The following POLK variants were observed in gnomAD, a reference collection of about 807,000 sequenced individuals.
POLK encodes the protein polymerase (DNA directed) kappa.
A neutral mutation model predicts 94.0 loss-of-function variants in POLK; 76 were observed. That is an observed-to-expected ratio of 0.81 (90% CI 0.67 to 0.98). The LOEUF is 0.98. Among genes scored for constraint, POLK ranks in the 50% least tolerant of loss-of-function variants. The pLI, the probability that POLK is intolerant of heterozygous loss-of-function variation, is 0.00. For synonymous variants in POLK, 349 were observed against 325.4 expected (o/e 1.07, Z -0.78); for missense variants, 954 against 1,010.1 (o/e 0.94, Z 0.75).
At chr5:75,584,111 G>T (rs928377141) in intron 8 of POLK, among the ~76,000 whole-genome samples, 1 of 152,128 alleles carries the variant, frequency 6.6e-6, no homozygotes, top group African/African-American at 2.4e-5. Flanking sequence ...TTTCAAGTAT[G>T]GATAGATATT....
chr5:75,526,151 T>G (rs1768831459), intron 1 of POLK, among the ~76,000 whole-genome samples: 1 of 152,312 alleles, frequency 6.6e-6, no homozygotes, highest in Middle Eastern at 3.4e-3. Flanking sequence ...ATTTTATATT[T>G]TTATCTGTTT....
At chr5:75,579,926 T>A (rs539691235) in intron 6 of POLK, among the ~76,000 whole-genome samples, 44 of 148,340 alleles carry the variant, frequency 3.0e-4, no homozygotes, top group African/African-American at 1.1e-3. Context: ...CTCGCGCCTG[T>A]AGTCCTAGCT....
At chr5:75,601,306 G>C (rs1435620531), downstream of POLK, among the ~76,000 whole-genome samples, 3 of 152,072 alleles carry the variant, frequency 2.0e-5, no homozygotes, top group African/African-American at 7.2e-5. Flanking sequence ...TTCCCCTAAG[G>C]CTACAGCCTC....
chr5:75,576,850 T>C (rs1771905573), exon 6 of POLK: 5 of 1,567,076 alleles, frequency 3.2e-6, no homozygotes, highest in Non-Finnish European at 4.3e-6. Context: ...TACTTGAATA[T>C]AACAAAGCAC....
chr5:75,545,242 A>T (rs959018796), intron 1 of POLK, among the ~76,000 whole-genome samples: 1 of 152,244 alleles, frequency 6.6e-6, no homozygotes, highest in East Asian at 1.9e-4. Context: ...TTAAGGGAAG[A>T]TCCTCAAGGC....
chr5:75,594,232 G>A (rs907051678), intron 12 of POLK, among the ~76,000 whole-genome samples, 183 bp downstream of exon 12: 3 of 152,112 alleles, frequency 2.0e-5, no homozygotes, highest in East Asian at 1.9e-4. Flanking sequence ...GTTACATCCC[G>A]ATAAACCCAT....
intron 1 of POLK, chr5:75,512,635 T>G (rs1470538512): frequency 6.6e-6 from 1 of 152,228 alleles, no homozygotes; most frequent in African/African-American, 2.4e-5. Context: ...CAATAGAAGA[T>G]CTAACAACTC....
chr5:75,605,681 T>A (rs1202371375), downstream of POLK, among the ~76,000 whole-genome samples: 1 of 152,224 alleles, frequency 6.6e-6, no homozygotes, highest in Non-Finnish European at 1.5e-5. Flanking sequence ...AATAGACTAA[T>A]GTATTTCATC....
intron 1 of POLK, among the ~76,000 whole-genome samples, chr5:75,525,606 A>G (rs1245307406): frequency 6.6e-6 from 1 of 152,200 alleles, no homozygotes; most frequent in East Asian, 1.9e-4. Context: ...GAGAGAGATT[A>G]TAGGAAGAGG....
exon 6 of POLK, chr5:75,576,842 C>T (rs914377719): frequency 1.9e-6 from 3 of 1,561,374 alleles, no homozygotes; most frequent in African/African-American, 2.8e-5. Flanking sequence ...ATGAAGCCTA[C>T]TTGAATATAA....
rs143199956 is a variant in POLK at position 75,594,989 on chromosome 5, G to A, written c.1528+940G>A. 1.3e-3 allele frequency among the ~76,000 whole-genome samples: 200 copies of A among 152,212 alleles called. 1 individual carries two copies. The highest frequency in any genetic ancestry group is 4.6e-3 in the African/African-American group (192 of 41,530). ...AGCCAGGCTGGGCGCGGTGGCTCAC[G>A]CCTGTAATCTCAACACTTTGGGAGG... On this transcript the variant is annotated intron_variant, in intron 12 of 14. Transcript: ENST00000241436.
rs148677098 is a variant in POLK, at chr5:75,544,305, C to T, written c.-13-2705C>T. ...CGGAGGCTGAGGTGGGAGGATCACT[C>T]GAGCCCAGGAATTCAAGTCCAGCCT... On this transcript the variant is annotated intron_variant, in intron 1 of 14. Coordinates refer to ENST00000241436, the Ensembl canonical transcript of POLK. 2.0e-3 allele frequency among the ~76,000 whole-genome samples: 308 copies of T among 152,168 alleles called. 1 individual carries two copies. The East Asian group carries it at 0.026, about 13-fold the overall frequency.
At chr5:75,529,982 A>G (rs1769073342) in intron 1 of POLK, among the ~76,000 whole-genome samples, 2 of 152,158 alleles carry the variant, frequency 1.3e-5, no homozygotes, top group South Asian at 4.1e-4. Context: ...GCTAACAACA[A>G]CAAAAACTTT....
chr5:75,522,932 T>C (rs1768656312), intron 1 of POLK, among the ~76,000 whole-genome samples: 1 of 152,148 alleles, frequency 6.6e-6, no homozygotes, highest in Non-Finnish European at 1.5e-5. Context: ...TGTTTACAAA[T>C]AAATTTGCTC....
At chr5:75,587,261 C>A (rs375028424) in intron 10 of POLK, among the ~76,000 whole-genome samples, 2 of 152,100 alleles carry the variant, frequency 1.3e-5, no homozygotes, top group African/African-American at 4.8e-5. Flanking sequence ...AAATTAACTT[C>A]AGCTATTTTT....
chr5:75,578,641 G>A (rs1382385054), intron 6 of POLK, among the ~76,000 whole-genome samples: 1 of 152,084 alleles, frequency 6.6e-6, no homozygotes. Flanking sequence ...GGACTTTCAG[G>A]CGTGTCTCAC....
chr5:75,579,489 C>A (rs1445629333), intron 6 of POLK, among the ~76,000 whole-genome samples: 1 of 151,850 alleles, frequency 6.6e-6, no homozygotes, highest in Non-Finnish European at 1.5e-5. Context: ...CCTGCCCCAG[C>A]CTCCGGAGTA....
chr5:75,564,712 C>T (rs1771170341), intron 3 of POLK, among the ~76,000 whole-genome samples: 2 of 152,108 alleles, frequency 1.3e-5, no homozygotes, highest in African/African-American at 4.8e-5. Flanking sequence ...GAATGTTGGC[C>T]CCCACTCTGT....
chr5:75,578,182 G>A (rs537301753), intron 6 of POLK, among the ~76,000 whole-genome samples: 3 of 152,208 alleles, frequency 2.0e-5, no homozygotes, highest in South Asian at 2.1e-4. Context: ...TTGAGATAGG[G>A]TCTCACTGTG....
Sources: allele counts gnomAD v4.1 joint callset (sites outside exome capture counted in the v4.1 genomes callset), GRCh38; gene constraint gnomAD v4.1.1; transcripts MANE v1.5; gene names NCBI Gene and HGNC (gene_info 2026-07-23, HGNC 2026-07-21).